FER1L6: variants seen among roughly 807,000 people sequenced by gnomAD.
FER1L6 encodes the protein fer-1-like protein 6.
In FER1L6, 177 loss-of-function variants were observed where a neutral mutation model predicts 219.2. The observed-to-expected ratio is 0.81, with a 90% CI of 0.71 to 0.91. The LOEUF (loss-of-function observed/expected upper bound fraction) is 0.91. FER1L6 is among the 40% of genes least tolerant of loss of function. FER1L6 has a pLI of 0.00. For missense variants in FER1L6, 2,153 were observed against 2,259.9 expected (o/e 0.95, Z 0.96); for synonymous variants, 768 against 824.3 (o/e 0.93, Z 1.17).
At chr8:123,939,281 A>G (rs1349626514) in intron 1 of FER1L6, 4 of 827,814 alleles carry the variant, frequency 4.8e-6, no homozygotes, top group Middle Eastern at 6.0e-4. Flanking sequence ...TTTATTACAT[A>G]TTGTTAAGTC....
intron 33 of FER1L6, among the ~76,000 whole-genome samples, chr8:124,085,032 T>C (rs1439487442): frequency 6.6e-6 from 1 of 152,150 alleles, no homozygotes; most frequent in Non-Finnish European, 1.5e-5. Context: ...GGTTTTCCAA[T>C]TTATTTGCTA....
chr8:123,886,224 G>T (rs1483876989), intron 1 of FER1L6, among the ~76,000 whole-genome samples: 2 of 152,154 alleles, frequency 1.3e-5, no homozygotes, highest in Non-Finnish European at 2.9e-5. Context: ...GATATGGTTT[G>T]TCCCCACCTA....
intron 1 of FER1L6, among the ~76,000 whole-genome samples, chr8:123,880,596 C>T (rs1817091674): frequency 6.6e-6 from 1 of 152,122 alleles, no homozygotes; most frequent in Admixed American, 6.6e-5. Flanking sequence ...TATTTTATGG[C>T]CAGACAGCCT....
At chr8:124,085,804 G>A (rs1042757654) in intron 33 of FER1L6, among the ~76,000 whole-genome samples, 1 of 152,112 alleles carries the variant, frequency 6.6e-6, no homozygotes, top group Admixed American at 6.6e-5. Context: ...GACCTGCCCA[G>A]TGCTGAAAAT....
At chr8:123,945,534 G>T (rs1028346576) in intron 1 of FER1L6, among the ~76,000 whole-genome samples, 3 of 152,164 alleles carry the variant, frequency 2.0e-5, no homozygotes, top group Admixed American at 6.5e-5. Flanking sequence ...TTTTTTCTAT[G>T]CAGGACATCA....
intron 1 of FER1L6, among the ~76,000 whole-genome samples, chr8:123,866,798 C>T (rs1050127622): frequency 3.9e-5 from 6 of 152,010 alleles, no homozygotes; most frequent in Non-Finnish European, 8.8e-5. Context: ...TTGAATTTTT[C>T]TGTAGATATG....
chr8:124,010,023 T>C lies in FER1L6; in HGVS notation c.1701-571T>C, dbSNP rs533703678. ...GACCCGGGGAGGAGAGGTCTTGTTC[T>C]AGTTTGAGGGTCGTGGAACTGCAGA... On this transcript the variant is annotated intron_variant, in intron 13 of 40. Coordinates refer to ENST00000522917, the MANE Select transcript of FER1L6 (RefSeq NM_001039112.2). Among the ~76,000 whole-genome samples the C allele has an allele frequency of 2.7e-3, 416 of 152,136 alleles. 2 individuals carry two copies. The highest frequency in any genetic ancestry group is 9.5e-3 in the African/African-American group (396 of 41,504).
intron 1 of FER1L6, among the ~76,000 whole-genome samples, chr8:123,856,915 C>T (rs976002929): frequency 4.6e-5 from 7 of 152,012 alleles, no homozygotes; most frequent in African/African-American, 1.7e-4. Context: ...GCAGACCAGC[C>T]CCACTGTGCT....
intron 39 of FER1L6, 40 bp downstream of exon 39, chr8:124,103,349 T>C: frequency 1.3e-6 from 2 of 1,589,618 alleles, no homozygotes; most frequent in East Asian, 2.2e-5. Context: ...ATGGGGGAAG[T>C]TGGGGGCATC....
chr8:123,971,888 G>A, intron 6 of FER1L6, among the ~76,000 whole-genome samples: 1 of 152,184 alleles, frequency 6.6e-6, no homozygotes, highest in East Asian at 1.9e-4. Context: ...GAGTCCTGGT[G>A]ATTTAACACT....
At position 124,069,138 on chromosome 8, in the gene FER1L6, G is replaced by A. The variant is rs529500574; in HGVS notation, c.3719-222G>A. 6.6e-5 allele frequency among the ~76,000 whole-genome samples: 10 copies of A among 151,864 alleles called. No individual in the cohort carries two copies. The South Asian group carries it at 1.3e-3, about 19-fold the overall frequency. On this transcript the variant is annotated intron_variant, in intron 28 of 40. Coordinates refer to ENST00000522917, the MANE Select transcript of FER1L6 (RefSeq NM_001039112.2). ...TTTTTAATAGAGACGGGGTTTCACC[G>A]TGTTAGCCAGGATGGTCTCGATCTC... is the stretch of plus-strand genomic sequence containing the variant.
At chr8:124,063,069 G>T (rs1820661285) in intron 25 of FER1L6, among the ~76,000 whole-genome samples, 1 of 152,096 alleles carries the variant, frequency 6.6e-6, no homozygotes, top group Non-Finnish European at 1.5e-5. Context: ...GCTACTGTTT[G>T]CACACCCTTC....
chr8:124,103,708 C>T (rs919120470), intron 39 of FER1L6, among the ~76,000 whole-genome samples: 4 of 152,158 alleles, frequency 2.6e-5, no homozygotes, highest in African/African-American at 4.8e-5. Context: ...TCCCTTTTCC[C>T]GAATTGTCCA....
At chr8:123,895,737 G>A (rs1812731513) in intron 1 of FER1L6, among the ~76,000 whole-genome samples, 2 of 152,222 alleles carry the variant, frequency 1.3e-5, no homozygotes, top group South Asian at 4.1e-4. Flanking sequence ...GCTGAAGACA[G>A]AGCCCTGAGA....
intron 34 of FER1L6, among the ~76,000 whole-genome samples, chr8:124,094,221 C>T (rs1476608500): frequency 6.6e-6 from 1 of 152,132 alleles, no homozygotes; most frequent in Non-Finnish European, 1.5e-5. Flanking sequence ...GGTCCTCTCA[C>T]AGTATGTTAG....
At chr8:123,962,090 C>T (rs1315756378) in intron 2 of FER1L6, among the ~76,000 whole-genome samples, 3 of 152,030 alleles carry the variant, frequency 2.0e-5, no homozygotes, top group South Asian at 2.1e-4. Context: ...GGGGTTTCAC[C>T]ACGTTAGCCA....
chr8:124,025,863 T>C (rs1444866217), intron 18 of FER1L6, among the ~76,000 whole-genome samples: 1 of 152,226 alleles, frequency 6.6e-6, no homozygotes, highest in Non-Finnish European at 1.5e-5. Context: ...ATGAACATTT[T>C]TCTATCAGTT....
chr8:124,054,427 C>CT (rs903395053), intron 22 of FER1L6, among the ~76,000 whole-genome samples: 7 of 151,634 alleles, frequency 4.6e-5, no homozygotes, highest in South Asian at 2.1e-4. Context: ...CAACAAAGAA[C>CT]TTTTTTTTTA....
At chr8:123,922,834 T>TTAAA (rs1279784582) in intron 1 of FER1L6, among the ~76,000 whole-genome samples, 1 of 152,198 alleles carries the variant, frequency 6.6e-6, no homozygotes, top group African/African-American at 2.4e-5. Context: ...ATGAGATAGA[T>TTAAA]TTTAAAGTGT....
Sources: allele counts gnomAD v4.1 joint callset (sites outside exome capture counted in the v4.1 genomes callset), GRCh38; gene constraint gnomAD v4.1.1; transcripts MANE v1.5; gene names NCBI Gene and HGNC (gene_info 2026-07-23, HGNC 2026-07-21).